The following IFI44 variants were observed in gnomAD, a reference collection of about 807,000 sequenced individuals.
IFI44 encodes the protein interferon-induced protein 44.
In IFI44, 42 loss-of-function variants were observed where a neutral mutation model predicts 45.0. The observed-to-expected ratio is 0.93, with a 90% CI of 0.73 to 1.21. IFI44 has a LOEUF of 1.21. Ranked by LOEUF, IFI44 falls within the 50% of genes most tolerant of loss-of-function variation. The probability of loss-of-function intolerance (pLI) is 0.00; values close to 1 mark genes in which losing one functional copy is unlikely to be tolerated. For missense variants in IFI44, 623 were observed against 525.8 expected (o/e 1.18, Z -1.81); for synonymous variants, 221 against 188.6 (o/e 1.17, Z -1.41).
rs919394011 is a variant in IFI44, at chr1:78,650,136, A to G, written c.-10-50A>G. On this transcript the variant is annotated intron_variant, in intron 1 of 8. Coordinates refer to ENST00000370747, the MANE Select transcript of IFI44 (RefSeq NM_006417.5). ...ATAAATGCAAATTTTATAACTACAT[A>G]TTATCTGTTTTTTAATATTTAATGG... 34 of 1,313,024 alleles carry G rather than the reference A, an allele frequency of 2.6e-5. No homozygotes were observed. In the African/African-American group the frequency reaches 4.5e-4, roughly 17 times the overall value. The allele number at this position is 1,313,024 out of a possible 1,614,324, so 81.3% of individuals were successfully genotyped here. A position where few individuals can be genotyped will look rare whatever the true frequency, so the allele number is the denominator to read the frequency against.
intron 7 of IFI44, among the ~76,000 whole-genome samples, chr1:78,661,630 A>T (rs1290256661): frequency 1.3e-5 from 2 of 152,068 alleles, no homozygotes; most frequent in Admixed American, 6.6e-5. Context: ...AGGGGATGGG[A>T]GTGTGGGATA....
intron 2 of IFI44, 77 bp downstream of exon 2, chr1:78,650,729 G>A (rs1436862066): frequency 3.0e-6 from 3 of 988,090 alleles, no homozygotes; most frequent in Non-Finnish European, 4.5e-6. Context: ...ATCTCTTTAA[G>A]GAAAAATGAA....
intron 3 of IFI44, among the ~76,000 whole-genome samples, 163 bp downstream of exon 3, chr1:78,654,442 G>GT (rs1647173329): frequency 6.6e-6 from 1 of 151,622 alleles, no homozygotes; most frequent in African/African-American, 2.4e-5. Context: ...TAATATTAAT[G>GT]TTAAAAAAAA....
intron 2 of IFI44, among the ~76,000 whole-genome samples, chr1:78,651,812 G>A (rs1049177872): frequency 6.6e-6 from 1 of 151,972 alleles, no homozygotes; most frequent in Non-Finnish European, 1.5e-5. Flanking sequence ...TTTTGTGTCT[G>A]GCTTATTTCA....
chr1:78,655,853 C>A (rs925160350), intron 5 of IFI44, among the ~76,000 whole-genome samples: 4 of 152,100 alleles, frequency 2.6e-5, no homozygotes, highest in African/African-American at 9.7e-5. Context: ...ATCCTTCTGA[C>A]TTTTTGAGGC....
Position 78,663,845 on chromosome 1 carries a change from C to T in IFI44, c.*34C>T. 1.9e-6 allele frequency: 3 copies of T among 1,596,172 alleles called. No homozygotes were observed. Among genetic ancestry groups the T allele is most frequent in the African/African-American group, 1.3e-5 (1 of 74,224 alleles). On this transcript the variant is annotated 3_prime_UTR_variant, in exon 9 of 9. Coordinates refer to ENST00000370747, the MANE Select transcript of IFI44 (RefSeq NM_006417.5). ...AAGGTTCACGTAAATTTCCTCACAT[C>T]ACAGAAGATTAAAATTCAGAAAGGA... is the stretch of plus-strand genomic sequence containing the variant.
At chr1:78,650,138 T>G in intron 1 of IFI44, 48 bp from the exon 2 acceptor site, 1 of 1,325,288 alleles carries the variant, frequency 7.5e-7, no homozygotes, top group Non-Finnish European at 1.0e-6. Context: ...AACTACATAT[T>G]ATCTGTTTTT....
At chr1:78,660,714 T>A (rs1647402514) in intron 7 of IFI44, 60 bp downstream of exon 7, 1 of 1,059,474 alleles carries the variant, frequency 9.4e-7, no homozygotes. Flanking sequence ...AATCACATAC[T>A]AGTGTGTATA....
intron 5 of IFI44, among the ~76,000 whole-genome samples, chr1:78,657,690 T>C (rs1210205582): frequency 6.6e-6 from 1 of 152,160 alleles, no homozygotes; most frequent in Non-Finnish European, 1.5e-5. Flanking sequence ...CAACAGGATA[T>C]ATGCTTGAAA....
chr1:78,660,546 T>C lies in IFI44; in HGVS notation c.1013-8T>C, dbSNP rs1647388947. On this transcript the variant is annotated splice_region_variant and splice_polypyrimidine_tract_variant and intron_variant, in intron 6 of 8. Coordinates refer to ENST00000370747, the MANE Select transcript of IFI44 (RefSeq NM_006417.5). ...CTAAAATGATTTAAAAAATTCTGTT[T>C]GGCATAGGTGTGGTACATGTGGCTT... 10 of 1,597,538 alleles carry C rather than the reference T, an allele frequency of 6.3e-6. No homozygotes were observed. In the East Asian group the frequency reaches 2.0e-4, roughly 32 times the overall value.
In IFI44 at chr1:78,659,493, A is replaced by G; in HGVS notation, c.1012+10A>G. On this transcript the variant is annotated intron_variant, in intron 6 of 8. Transcript: ENST00000370747. The stretch of plus-strand genomic sequence containing the variant: ...GAGTTGGTAAACGCTGGTGAGTCTC[A>G]TTCCACTTTGCTAAGGGTAATACCA... 6.2e-7 allele frequency: 1 copy of G among 1,605,702 alleles called. No homozygotes were observed. Among genetic ancestry groups the G allele is most frequent in the Non-Finnish European group, 8.5e-7 (1 of 1,173,498 alleles).
At chr1:78,659,772 A>G (rs959924997) in intron 6 of IFI44, among the ~76,000 whole-genome samples, 2 of 152,222 alleles carry the variant, frequency 1.3e-5, no homozygotes, top group African/African-American at 2.4e-5. Context: ...GCATATGTGA[A>G]GGGTAGTACA....
chr1:78,659,352 A>C lies in IFI44; in HGVS notation c.881A>C (p.Tyr294Ser). The change falls in exon 6 of 9, where the codon TAC (tyrosine) becomes TCC (serine). Residue 294 changes from tyrosine (Y) to serine (S), a missense_variant. Coordinates refer to ENST00000370747, the MANE Select transcript of IFI44 (RefSeq NM_006417.5). Reference protein sequence around the residue: ...MESIKLNHHDYIDSPSLKDRI... With the variant: ...MESIKLNHHDSIDSPSLKDRI... ...TCAATCAAATTAAATCATCATGACTACATTGATTCCCCATCGCTGAAGGAC... is the reference window on the plus strand; with the variant it reads ...TCAATCAAATTAAATCATCATGACTCCATTGATTCCCCATCGCTGAAGGAC... 6.2e-7 allele frequency: 1 copy of C among 1,613,304 alleles called. No individual in the cohort carries two copies. Among genetic ancestry groups the C allele is most frequent in the Non-Finnish European group, 8.5e-7 (1 of 1,179,380 alleles).
intron 5 of IFI44, 34 bp downstream of exon 5, chr1:78,655,545 T>A (rs1647194115): frequency 6.4e-7 from 1 of 1,552,630 alleles, no homozygotes; most frequent in Non-Finnish European, 8.8e-7. Flanking sequence ...TATAACTGAT[T>A]TTTAAAATGC....
Position 78,650,204 on chromosome 1 carries a change from G to A in IFI44, c.9G>A (p.Val3=), listed in dbSNP as rs1647098311. The change falls in exon 2 of 9, where the codon GTG becomes GTA. Residue 3 remains valine, a synonymous_variant. Coordinates refer to ENST00000370747, the MANE Select transcript of IFI44 (RefSeq NM_006417.5). MA[V]TTRLTWLHEK... ...CCACTAGATCAAGAAGTATGGCAGT[G>A]ACAACTCGTTTGACATGGTTGCACG... is the stretch of plus-strand genomic sequence containing the variant. 1 of 1,599,886 alleles carries A rather than the reference G, an allele frequency of 6.3e-7. No individual in the cohort carries two copies. The highest frequency in any genetic ancestry group is 1.3e-5 in the African/African-American group (1 of 74,632).
At chr1:78,661,209 A>G (rs273247) in intron 7 of IFI44, among the ~76,000 whole-genome samples, 143,013 of 152,116 alleles carry the variant, frequency 0.94, 67,254 homozygotes, top group Middle Eastern at 0.98. Flanking sequence ...TTACAGGCAC[A>G]TGCCACCATG....
In IFI44 at chr1:78,655,351, C is replaced by T; in HGVS notation, c.691-11C>T. The stretch of plus-strand genomic sequence containing the variant: ...AATGAATCTTTAAAATTGCTTTTCT[C>T]CCCTCTACAGTATAGGACATACTCT... On this transcript the variant is annotated splice_polypyrimidine_tract_variant and intron_variant, in intron 4 of 8. Coordinates refer to ENST00000370747, the MANE Select transcript of IFI44 (RefSeq NM_006417.5). 1 of 1,584,248 alleles carries T rather than the reference C, an allele frequency of 6.3e-7. No individual in the cohort carries two copies. The highest frequency in any genetic ancestry group is 8.5e-7 in the Non-Finnish European group (1 of 1,169,612).
At chr1:78,663,696 T>G (rs1181841423) in intron 8 of IFI44, 69 bp from the exon 9 acceptor site, 1 of 1,585,194 alleles carries the variant, frequency 6.3e-7, no homozygotes, top group Non-Finnish European at 8.6e-7. Context: ...AGTGGTCCAA[T>G]ATTCCTCTTC....
intron 4 of IFI44, 68 bp downstream of exon 4, chr1:78,655,277 T>C: frequency 6.4e-7 from 1 of 1,567,688 alleles, no homozygotes. Context: ...AAAAGCCTTT[T>C]GCAGATCAAC....
Sources: allele counts gnomAD v4.1 joint callset (sites outside exome capture counted in the v4.1 genomes callset), GRCh38; gene constraint gnomAD v4.1.1; transcripts MANE v1.5; gene names NCBI Gene and HGNC (gene_info 2026-07-23, HGNC 2026-07-21).